PRKAR1B: variants seen among roughly 807,000 people sequenced by gnomAD.
The protein encoded by PRKAR1B is cAMP-dependent protein kinase type I-beta regulatory subunit.
In PRKAR1B, 22 loss-of-function variants were observed where a neutral mutation model predicts 46.5. That is an observed-to-expected ratio of 0.47 (90% CI 0.34 to 0.68). The LOEUF (loss-of-function observed/expected upper bound fraction) is 0.68, where lower values mean the gene tolerates loss of function less well. PRKAR1B is among the 30% of genes least tolerant of loss of function. The pLI is 0.01. For missense variants in PRKAR1B, 445 were observed against 535.6 expected, an observed-to-expected ratio of 0.83 and a Z score of 1.67; for synonymous variants, 259 against 217.7, an observed-to-expected ratio of 1.19 and a Z score of -1.67.
chr7:689,599 T>G (rs1779296364), intron 2 of PRKAR1B, among the ~76,000 whole-genome samples: 1 of 151,812 alleles, frequency 6.6e-6, no homozygotes, highest in South Asian at 2.1e-4. Flanking sequence ...AGACTTTGAC[T>G]ACAACCATGC....
intron 4 of PRKAR1B, among the ~76,000 whole-genome samples, chr7:646,438 G>A (rs1416241915): frequency 6.6e-6 from 1 of 152,238 alleles, no homozygotes; most frequent in African/African-American, 2.4e-5. Flanking sequence ...GAACTTTTCT[G>A]CTTCTGCAAT....
intron 4 of PRKAR1B, among the ~76,000 whole-genome samples, chr7:641,053 C>T (rs902289396): frequency 6.6e-6 from 1 of 151,948 alleles, no homozygotes; most frequent in Non-Finnish European, 1.5e-5. Context: ...CCCGGGTTCA[C>T]GCCATTCTCC....
chr7:651,716 C>T (rs999687130), intron 4 of PRKAR1B, among the ~76,000 whole-genome samples: 4 of 144,620 alleles, frequency 2.8e-5, no homozygotes, highest in Non-Finnish European at 6.1e-5. Flanking sequence ...AAACCCCTCT[C>T]GGAAGACAGT....
chr7:613,416 A>G (rs959678048), intron 4 of PRKAR1B, among the ~76,000 whole-genome samples: 3 of 152,154 alleles, frequency 2.0e-5, no homozygotes, highest in African/African-American at 7.2e-5. Flanking sequence ...AAGAGGCAAA[A>G]TGTAGACTTT....
intron 2 of PRKAR1B, among the ~76,000 whole-genome samples, chr7:701,184 A>T (rs1480995565): frequency 1.3e-5 from 2 of 151,190 alleles, no homozygotes; most frequent in African/African-American, 4.9e-5. Flanking sequence ...CGAGACTCTG[A>T]AAAAAAGAAA....
At chr7:588,450 G>GA (rs1780726915) in intron 7 of PRKAR1B, among the ~76,000 whole-genome samples, 1 of 93,008 alleles carries the variant, frequency 1.1e-5, no homozygotes, top group Non-Finnish European at 2.4e-5. Flanking sequence ...AGTGGTGATG[G>GA]TGATGGTGAT....
upstream of PRKAR1B, chr7:727,284 C>G (rs1781361555): frequency 7.6e-7 from 1 of 1,309,614 alleles, no homozygotes; most frequent in South Asian, 2.1e-5. Flanking sequence ...AGAGCTGCAG[C>G]TGCGCCGCCG....
At chr7:727,058 C>T (rs1456604630) in intron 1 of PRKAR1B, 152 bp downstream of exon 1, 1 of 1,072,188 alleles carries the variant, frequency 9.3e-7, no homozygotes, top group Non-Finnish European at 1.1e-6. Flanking sequence ...CCCCGCGATG[C>T]CCTGCCGCGC....
In PRKAR1B at chr7:583,784, AC is replaced by A. The variant is rs917123080; in HGVS notation, c.769+723del. On this transcript the variant is annotated intron_variant, in intron 8 of 10. Transcript: ENST00000537384. ...CGCACCCATGCACACTCACGTGTAC[AC>A]CCATGTGCACTCACATGCACACTCA... Among the ~76,000 whole-genome samples the A allele has an allele frequency of 8.1e-5, 12 of 147,432 alleles. 1 individual carries two copies. Among genetic ancestry groups the A allele is most frequent in the African/African-American group, 3.0e-4 (12 of 39,510 alleles).
chr7:669,246 C>T (rs555293838), intron 4 of PRKAR1B, among the ~76,000 whole-genome samples: 41 of 152,288 alleles, frequency 2.7e-4, no homozygotes, highest in African/African-American at 7.9e-4. Flanking sequence ...TATCATGGTT[C>T]ATTTAAGTCC....
intron 4 of PRKAR1B, among the ~76,000 whole-genome samples, chr7:675,387 C>A (rs1786523018): frequency 6.6e-6 from 1 of 152,210 alleles, no homozygotes; most frequent in Admixed American, 6.5e-5. Flanking sequence ...GACCACCACA[C>A]CGTTGCCCTC....
At chr7:628,331 C>T (rs1268243659) in intron 4 of PRKAR1B, among the ~76,000 whole-genome samples, 2 of 152,220 alleles carry the variant, frequency 1.3e-5, no homozygotes, top group East Asian at 3.9e-4. Flanking sequence ...GGAGCCAAGG[C>T]GAAGGCGGGC....
At chr7:690,272 G>T (rs1779339182) in intron 2 of PRKAR1B, among the ~76,000 whole-genome samples, 1 of 151,580 alleles carries the variant, frequency 6.6e-6, no homozygotes. Flanking sequence ...CTCCAGCCTG[G>T]GTGACAGAGT....
intron 9 of PRKAR1B, among the ~76,000 whole-genome samples, chr7:563,064 C>G (rs1778904988): frequency 1.3e-5 from 2 of 152,206 alleles, no homozygotes; most frequent in African/African-American, 4.8e-5. Context: ...CTTCCACACA[C>G]CAGCACCTCT....
intron 9 of PRKAR1B, among the ~76,000 whole-genome samples, chr7:557,086 A>G (rs551082359): frequency 6.6e-6 from 1 of 152,314 alleles, no homozygotes; most frequent in South Asian, 2.1e-4. Flanking sequence ...TTCCAACCAG[A>G]GTCGGGGAGG....
intron 2 of PRKAR1B, among the ~76,000 whole-genome samples, chr7:696,154 A>G (rs1439971288): frequency 1.3e-5 from 2 of 149,536 alleles, no homozygotes; most frequent in Non-Finnish European, 3.0e-5. Flanking sequence ...TTTTATTATT[A>G]TTTGTAGAAA....
At chr7:558,089 G>A (rs183392192) in intron 9 of PRKAR1B, among the ~76,000 whole-genome samples, 1,520 of 151,574 alleles carry the variant, frequency 0.01, 14 homozygotes, top group Non-Finnish European at 0.016. Flanking sequence ...CGAGGTGGGA[G>A]GGCGGCTTGA....
chr7:606,376 A>G, intron 5 of PRKAR1B, 137 bp from the exon 6 acceptor site: 1 of 637,474 alleles, frequency 1.6e-6, no homozygotes, highest in Non-Finnish European at 2.7e-6. Flanking sequence ...ATTCTTTTTA[A>G]TGACAAGATT....
intron 9 of PRKAR1B, among the ~76,000 whole-genome samples, chr7:573,619 A>G (rs1779652615): frequency 6.6e-6 from 1 of 152,182 alleles, no homozygotes; most frequent in African/African-American, 2.4e-5. Flanking sequence ...GATCACGAAA[A>G]TCAGCCGTAA....
Sources: allele counts gnomAD v4.1 joint callset (sites outside exome capture counted in the v4.1 genomes callset), GRCh38; gene constraint gnomAD v4.1.1; transcripts MANE v1.5; gene names NCBI Gene and HGNC (gene_info 2026-07-23, HGNC 2026-07-21).